The following DOCK8 variants were observed in gnomAD, a reference collection of about 807,000 sequenced individuals.
DOCK8 encodes dedicator of cytokinesis protein 8.
Under a neutral mutation model 245.6 loss-of-function variants are expected in DOCK8, and 141 were observed. That is an observed-to-expected ratio of 0.57 (90% CI 0.50 to 0.66). DOCK8 has a LOEUF of 0.66. Ranked by LOEUF, DOCK8 falls within the 30% of genes least tolerant of loss-of-function variation. The pLI is 0.00. For missense variants in DOCK8, 2,965 were observed against 2,603.4 expected (o/e 1.14, Z -3.02); for synonymous variants, 1,168 against 970.2 (o/e 1.20, Z -3.79).
chr9:273,884 T>G (rs1393898034), intron 2 of DOCK8, among the ~76,000 whole-genome samples: 3 of 152,146 alleles, frequency 2.0e-5, no homozygotes, highest in African/African-American at 4.8e-5. Flanking sequence ...TTTTGTATTT[T>G]GAGTAGAGAC....
intron 21 of DOCK8, chr9:381,416 G>C (rs2053716404): frequency 6.6e-6 from 1 of 151,946 alleles, no homozygotes; most frequent in Non-Finnish European, 1.5e-5. Flanking sequence ...TAAACTTTTT[G>C]TTATTAAAAA....
At chr9:215,283 C>A (rs767560545) in intron 1 of DOCK8, 3 of 1,608,690 alleles carry the variant, frequency 1.9e-6, no homozygotes, top group Non-Finnish European at 2.5e-6. Context: ...GCCGGGGATC[C>A]CTTCCCCGAA....
At chr9:233,312 G>T (rs1434165831) in intron 1 of DOCK8, among the ~76,000 whole-genome samples, 39 of 151,924 alleles carry the variant, frequency 2.6e-4, no homozygotes, top group South Asian at 4.2e-4. Flanking sequence ...GTGCTTTACT[G>T]CCAACTATGT....
chr9:214,139 C>T, upstream of DOCK8: 1 of 265,948 alleles, frequency 3.8e-6, no homozygotes, highest in Non-Finnish European at 7.2e-6. Flanking sequence ...CGAACACGGG[C>T]TCCTCCACTC....
chr9:299,309 G>A (rs1052583914), intron 4 of DOCK8, among the ~76,000 whole-genome samples: 2 of 152,076 alleles, frequency 1.3e-5, no homozygotes, highest in African/African-American at 4.8e-5. Context: ...AAACTAGCAG[G>A]TTTATAAAAT....
rs7020217 is a variant in DOCK8, at chr9:307,795, C to A, written c.528+3091C>A. On this transcript the variant is annotated intron_variant, in intron 5 of 47. Coordinates refer to ENST00000432829, the MANE Select transcript of DOCK8 (RefSeq NM_203447.4). ...TTTATTGCAGCACTATTCACAGTAA[C>A]CAAGACGTGGACTCAACCTAAGTAT... Among the ~76,000 whole-genome samples, 374 of 152,120 alleles carry A rather than the reference C, an allele frequency of 2.5e-3. 2 individuals carry two copies. The highest frequency in any genetic ancestry group is 8.6e-3 in the African/African-American group (356 of 41,496).
At chr9:397,706 A>G (rs1375961807) in intron 25 of DOCK8, among the ~76,000 whole-genome samples, 2 of 152,206 alleles carry the variant, frequency 1.3e-5, no homozygotes, top group South Asian at 2.1e-4. Flanking sequence ...AAATGTAGAT[A>G]TGAAAGATAA....
chr9:404,861 T>C, intron 26 of DOCK8, 57 bp from the exon 27 acceptor site: 2 of 1,601,622 alleles, frequency 1.2e-6, no homozygotes, highest in South Asian at 2.2e-5. Flanking sequence ...TCTGCCAACC[T>C]CAACTCCACT....
rs779889272 is a variant in DOCK8, at chr9:340,262, G to A, written c.1620G>A (p.Pro540=). ...CCTTTCCTGAAAACCGGACACGCCCGCACAAAGAGATTTTGGAATTTCCAA... is the reference window on the plus strand; with the variant it reads ...CCTTTCCTGAAAACCGGACACGCCCACACAAAGAGATTTTGGAATTTCCAA... ...VKPFPENRTR[P]HKEILEFPTR... is the part of the protein sequence containing the mutation. Residue 540 remains proline (P), a synonymous_variant, in exon 14 of 48, where the codon CCG becomes CCA. Coordinates refer to ENST00000432829, the MANE Select transcript of DOCK8 (RefSeq NM_203447.4). The A allele has an allele frequency of 1.4e-5, 23 of 1,614,002 alleles. No homozygotes were observed. Among genetic ancestry groups the A allele is most frequent in the East Asian group, 4.5e-5 (2 of 44,898 alleles).
intron 2 of DOCK8, among the ~76,000 whole-genome samples, chr9:278,605 G>C (rs1423865490): frequency 6.6e-6 from 1 of 152,220 alleles, no homozygotes; most frequent in African/African-American, 2.4e-5. Flanking sequence ...TTTTAGATTG[G>C]ATCATCCGTG....
intron 24 of DOCK8, among the ~76,000 whole-genome samples, chr9:391,724 T>C (rs1476029504): frequency 9.9e-5 from 15 of 151,842 alleles, no homozygotes; most frequent in Admixed American, 6.6e-5. Context: ...TAAAAATATA[T>C]ATGCAAACAG....
intron 4 of DOCK8, among the ~76,000 whole-genome samples, chr9:298,142 G>T (rs1410402388): frequency 6.6e-6 from 1 of 152,168 alleles, no homozygotes; most frequent in East Asian, 1.9e-4. Context: ...TTTGATTTTA[G>T]GGCCAGGTGG....
intron 1 of DOCK8, among the ~76,000 whole-genome samples, chr9:225,365 G>A (rs145219387): frequency 1.3e-5 from 2 of 152,280 alleles, no homozygotes; most frequent in East Asian, 3.9e-4. Context: ...AAACAAACCT[G>A]GTGGGAAGAA....
Position 376,117 on chromosome 9 carries a change from C to T in DOCK8, c.2110-93C>T, listed in dbSNP as rs578129298. ...CAAGAGAGTTCTGTATTTGTATAAC[C>T]CTGACATTTCCAGTCAAGTTGGTCT... On this transcript the variant is annotated intron_variant, in intron 18 of 47. Transcript: ENST00000432829. 5 of 895,632 alleles carry T rather than the reference C, an allele frequency of 5.6e-6. No homozygotes were observed. In the African/African-American group the frequency reaches 8.2e-5, roughly 15 times the overall value. The allele number at this position is 895,632 out of a possible 1,614,324, so 55.5% of individuals were successfully genotyped here. A position where few individuals can be genotyped will look rare whatever the true frequency, so the allele number is the denominator to read the frequency against.
intron 44 of DOCK8, among the ~76,000 whole-genome samples, chr9:447,517 C>T (rs529166880): frequency 4.5e-4 from 68 of 152,194 alleles, no homozygotes; most frequent in African/African-American, 1.3e-3. Context: ...TTTTTCTCCC[C>T]GAGACTTTGA....
chr9:406,477 A>G (rs1431843627), intron 27 of DOCK8, among the ~76,000 whole-genome samples: 1 of 131,346 alleles, frequency 7.6e-6, no homozygotes, highest in Non-Finnish European at 1.6e-5. Flanking sequence ...ACAGAGTGAC[A>G]CTCTGTCTTT....
intron 2 of DOCK8, among the ~76,000 whole-genome samples, chr9:276,217 G>A (rs1012545203): frequency 2.0e-4 from 31 of 152,248 alleles, no homozygotes; most frequent in African/African-American, 6.3e-4. Flanking sequence ...AAAGGTAGAC[G>A]TATTCCAAAT....
chr9:275,992 G>A (rs2048331937), intron 2 of DOCK8, among the ~76,000 whole-genome samples: 1 of 152,046 alleles, frequency 6.6e-6, no homozygotes, highest in Non-Finnish European at 1.5e-5. Context: ...CTGCGTTCAA[G>A]TGATTCTCCT....
At chr9:462,266 T>C (rs1447697291) in intron 46 of DOCK8, among the ~76,000 whole-genome samples, 1 of 152,232 alleles carries the variant, frequency 6.6e-6, no homozygotes, top group Non-Finnish European at 1.5e-5. Flanking sequence ...AATCTTGGAC[T>C]GGCTTTTAAG....
Sources: allele counts gnomAD v4.1 joint callset (sites outside exome capture counted in the v4.1 genomes callset), GRCh38; gene constraint gnomAD v4.1.1; transcripts MANE v1.5; gene names NCBI Gene and HGNC (gene_info 2026-07-23, HGNC 2026-07-21).